ACTN4: variants seen among roughly 807,000 people sequenced by gnomAD.
ACTN4 encodes actinin alpha 4, also known as alpha-actinin-4.
ACTN4 carries 18 observed loss-of-function variants against 114.2 expected under a neutral mutation model. The ratio of observed to expected loss-of-function variants is 0.16; its 90% CI spans 0.11 to 0.23. The LOEUF (loss-of-function observed/expected upper bound fraction) is 0.23, where lower values mean the gene tolerates loss of function less well. ACTN4 is among the 10% of genes least tolerant of loss of function. The probability of loss-of-function intolerance (pLI) is 1.00; values close to 1 mark genes in which losing one functional copy is unlikely to be tolerated. For synonymous variants in ACTN4, 515 were observed against 506.3 expected (o/e 1.02, Z -0.23); for missense variants, 722 against 1,262.9 (o/e 0.57, Z 6.49).
At chr19:38,676,907 T>G (rs1310173881) in intron 1 of ACTN4, among the ~76,000 whole-genome samples, 5 of 152,080 alleles carry the variant, frequency 3.3e-5, no homozygotes, top group Non-Finnish European at 7.4e-5. Context: ...CCAAAGAACA[T>G]CCTGCTTGAC....
At chr19:38,689,394 T>A (rs1034016298) in intron 1 of ACTN4, among the ~76,000 whole-genome samples, 7 of 151,946 alleles carry the variant, frequency 4.6e-5, no homozygotes, top group Non-Finnish European at 1.0e-4. Context: ...GAAAGGTAGG[T>A]TAGTGGTTGC....
intron 1 of ACTN4, among the ~76,000 whole-genome samples, chr19:38,672,386 G>A (rs943031480): frequency 6.9e-6 from 1 of 144,648 alleles, no homozygotes. Flanking sequence ...GACCACAGAT[G>A]CATGCCACCA....
intron 12 of ACTN4, 47 bp downstream of exon 12, chr19:38,721,735 C>T: frequency 6.2e-7 from 1 of 1,605,190 alleles, no homozygotes; most frequent in Non-Finnish European, 8.5e-7. Context: ...CTCACCACAG[C>T]CTGCCCAGAC....
At chr19:38,705,872 G>A (rs1039154282) in intron 4 of ACTN4, among the ~76,000 whole-genome samples, 172 bp from the exon 5 acceptor site, 1 of 152,222 alleles carries the variant, frequency 6.6e-6, no homozygotes, top group African/African-American at 2.4e-5. Context: ...GTCTGCATCC[G>A]GAATGGGAGT....
At chr19:38,659,595 A>G (rs10415219) in intron 1 of ACTN4, among the ~76,000 whole-genome samples, 56,578 of 152,058 alleles carry the variant, frequency 0.37, 11,892 homozygotes, top group Non-Finnish European at 0.47. Flanking sequence ...CTTAGCAGCT[A>G]CCTTAGAGTT....
At chr19:38,671,883 A>T (rs1242998957) in intron 1 of ACTN4, among the ~76,000 whole-genome samples, 2 of 152,302 alleles carry the variant, frequency 1.3e-5, no homozygotes, top group East Asian at 1.9e-4. Flanking sequence ...TTCCTGGCTC[A>T]ATTGTTTCTC....
At chr19:38,671,476 G>A (rs1967127133) in intron 1 of ACTN4, among the ~76,000 whole-genome samples, 1 of 152,128 alleles carries the variant, frequency 6.6e-6, no homozygotes, top group Non-Finnish European at 1.5e-5. Flanking sequence ...AGTTTCTTTA[G>A]GATTGATCTC....
At chr19:38,680,082 C>A (rs1351504070) in intron 1 of ACTN4, among the ~76,000 whole-genome samples, 1 of 152,148 alleles carries the variant, frequency 6.6e-6, no homozygotes, top group Non-Finnish European at 1.5e-5. Context: ...GACTCACTCA[C>A]CACGCTCTAT....
intron 1 of ACTN4, among the ~76,000 whole-genome samples, chr19:38,667,948 C>G (rs999549720): frequency 4.6e-5 from 7 of 152,202 alleles, no homozygotes; most frequent in Non-Finnish European, 5.9e-5. Flanking sequence ...GCAAAATATG[C>G]AAGCTGGCTT....
chr19:38,665,579 A>C (rs1966931668), intron 1 of ACTN4, among the ~76,000 whole-genome samples: 1 of 152,168 alleles, frequency 6.6e-6, no homozygotes, highest in Non-Finnish European at 1.5e-5. Context: ...AGGAAGCGCC[A>C]AGTCCTGAGC....
chr19:38,691,406 AAAAAAAAAC>A (rs947259111), intron 1 of ACTN4, among the ~76,000 whole-genome samples: 3 of 147,766 alleles, frequency 2.0e-5, no homozygotes, highest in South Asian at 2.2e-4. Context: ...CGTCTCAAAA[AAAAAAAAAC>A]AAAAAAAACA....
chr19:38,686,124 G>T (rs952725051), intron 1 of ACTN4, among the ~76,000 whole-genome samples: 1 of 152,196 alleles, frequency 6.6e-6, no homozygotes, highest in African/African-American at 2.4e-5. Context: ...CTCAGGACGG[G>T]TGTGTAGCAC....
rs573040108 is a variant in ACTN4, at chr19:38,704,312, A to C, written c.398-622A>C. On this transcript the variant is annotated intron_variant, in intron 3 of 20. Transcript: ENST00000252699. ...CCAGACCCTGTCTCAAAAGAAGGAA[A>C]CCAACCATGCTCGCTGCTGTGTCGA... Among the ~76,000 whole-genome samples, 38 of 152,326 alleles carry C rather than the reference A, an allele frequency of 2.5e-4. No homozygotes were observed. In the South Asian group the frequency reaches 3.9e-3, roughly 16 times the overall value.
At chr19:38,728,460 C>T in intron 19 of ACTN4, 2 of 871,442 alleles carry the variant, frequency 2.3e-6, no homozygotes, top group Non-Finnish European at 3.2e-6. Flanking sequence ...CCCCCCACCT[C>T]TCCCCCTCAC....
chr19:38,723,751 G>C, intron 13 of ACTN4, 29 bp downstream of exon 13: 2 of 1,567,276 alleles, frequency 1.3e-6, no homozygotes, highest in African/African-American at 2.7e-5. Flanking sequence ...CACCCACGGA[G>C]CTCTGTGCCC....
chr19:38,731,094 G>A lies in ACTN4; in HGVS notation c.*1662G>A. The A allele has an allele frequency of 6.2e-7, 1 of 1,605,650 alleles. No homozygotes were observed. Among genetic ancestry groups the A allele is most frequent in the Non-Finnish European group, 8.5e-7 (1 of 1,176,680 alleles). ...CTTCCCCCCATGCCCCACCATGCCG[G>A]GGTGGTACTCACAGAAGATGCAGGT... On this transcript the variant is annotated 3_prime_UTR_variant, in exon 21 of 21. Transcript: ENST00000252699.
chr19:38,666,530 G>C (rs1379604116), intron 1 of ACTN4, among the ~76,000 whole-genome samples: 1 of 152,232 alleles, frequency 6.6e-6, no homozygotes, highest in South Asian at 2.1e-4. Flanking sequence ...TGCATCTCCA[G>C]TTGTGGGATC....
At chr19:38,684,253 A>G (rs569845841) in intron 1 of ACTN4, among the ~76,000 whole-genome samples, 16 of 152,298 alleles carry the variant, frequency 1.1e-4, no homozygotes, top group African/African-American at 3.9e-4. Context: ...ACCCAGTCAT[A>G]AAAATGCCTC....
chr19:38,662,351 G>C (rs1199147777), intron 1 of ACTN4, among the ~76,000 whole-genome samples: 3 of 152,156 alleles, frequency 2.0e-5, no homozygotes, highest in Non-Finnish European at 4.4e-5. Flanking sequence ...AGTGAACATG[G>C]GCTGGGATTC....
Sources: gnomAD v4.1 joint callset for allele counts (sites outside exome capture counted in the v4.1 genomes callset) on GRCh38, gnomAD v4.1.1 for gene constraint, MANE v1.5 for transcripts, NCBI Gene and HGNC (gene_info 2026-07-23, HGNC 2026-07-21) for gene names.